The following NAALADL2 variants were observed in gnomAD, a reference collection of about 807,000 sequenced individuals.
The protein encoded by NAALADL2 is inactive N-acetylated-alpha-linked acidic dipeptidase-like protein 2.
Under a neutral mutation model 87.2 loss-of-function variants are expected in NAALADL2, and 76 were observed. That is an observed-to-expected ratio of 0.87 (90% CI 0.72 to 1.05). The LOEUF (loss-of-function observed/expected upper bound fraction) is 1.05, where lower values mean the gene tolerates loss of function less well. Among genes scored for constraint, NAALADL2 ranks in the 50% least tolerant of loss-of-function variants. NAALADL2 has a pLI of 0.00. For missense variants in NAALADL2, 1,089 were observed against 945.8 expected, an observed-to-expected ratio of 1.15 and a Z score of -1.99; for synonymous variants, 354 against 331.0, an observed-to-expected ratio of 1.07 and a Z score of -0.75.
intron 4 of NAALADL2, among the ~76,000 whole-genome samples, chr3:175,306,492 A>G (rs971928002): frequency 6.6e-6 from 1 of 152,044 alleles, no homozygotes. Context: ...GACACCTCCA[A>G]TGATCTGAGT....
intron 2 of NAALADL2, among the ~76,000 whole-genome samples, chr3:174,580,554 C>G (rs1009145416): frequency 1.3e-5 from 2 of 152,084 alleles, no homozygotes; most frequent in Non-Finnish European, 2.9e-5. Context: ...TCTCCCATCA[C>G]TTCCTGTGCC....
chr3:175,257,952 A>T (rs1750297870), intron 4 of NAALADL2, among the ~76,000 whole-genome samples: 1 of 152,150 alleles, frequency 6.6e-6, no homozygotes, highest in South Asian at 2.1e-4. Flanking sequence ...TTATCTTCAG[A>T]TTATAAATGG....
At chr3:175,533,107 G>A (rs1734325254) in intron 9 of NAALADL2, among the ~76,000 whole-genome samples, 1 of 152,060 alleles carries the variant, frequency 6.6e-6, no homozygotes, top group South Asian at 2.1e-4. Context: ...TTATCTCCCT[G>A]AGCTGCAACA....
At chr3:175,139,819 T>G (rs1406890591) in intron 2 of NAALADL2, among the ~76,000 whole-genome samples, 3 of 152,196 alleles carry the variant, frequency 2.0e-5, no homozygotes, top group Non-Finnish European at 4.4e-5. Flanking sequence ...AGTTTCATGC[T>G]CTTTGTAGCT....
chr3:174,851,379 A>G (rs1183252778), intron 3 of NAALADL2, among the ~76,000 whole-genome samples: 2 of 151,658 alleles, frequency 1.3e-5, no homozygotes, highest in African/African-American at 2.4e-5. Flanking sequence ...AAAAAAAAAA[A>G]AAATCAGAGA....
intron 2 of NAALADL2, among the ~76,000 whole-genome samples, chr3:174,606,017 T>G (rs1214880415): frequency 1.3e-5 from 2 of 152,108 alleles, no homozygotes; most frequent in African/African-American, 2.4e-5. Flanking sequence ...TTCATGAAAA[T>G]CTGCTGTTCT....
At chr3:175,299,313 T>G (rs1295303085) in intron 4 of NAALADL2, among the ~76,000 whole-genome samples, 1 of 152,174 alleles carries the variant, frequency 6.6e-6, no homozygotes, top group Non-Finnish European at 1.5e-5. Context: ...TTTTGTTTTT[T>G]TTAATTCTGT....
chr3:174,902,446 G>T (rs776421484), intron 1 of NAALADL2, among the ~76,000 whole-genome samples: 10 of 152,000 alleles, frequency 6.6e-5, no homozygotes, highest in Non-Finnish European at 1.3e-4. Context: ...AGAAAGGGGG[G>T]TGGGGTTTAA....
chr3:175,740,785 G>C (rs1745130323), intron 12 of NAALADL2, among the ~76,000 whole-genome samples: 1 of 152,128 alleles, frequency 6.6e-6, no homozygotes, highest in South Asian at 2.1e-4. Context: ...TCTCTCTATG[G>C]AGTGGCTGTT....
At chr3:175,095,388 T>C (rs1720975248) in intron 1 of NAALADL2, among the ~76,000 whole-genome samples, 1 of 152,088 alleles carries the variant, frequency 6.6e-6, no homozygotes, top group Admixed American at 6.6e-5. Context: ...TAAGGTCCTA[T>C]TTATTTCTGT....
chr3:175,373,266 T>C (rs1274582886), intron 5 of NAALADL2, among the ~76,000 whole-genome samples: 2 of 152,178 alleles, frequency 1.3e-5, no homozygotes, highest in Non-Finnish European at 2.9e-5. Flanking sequence ...ACAAACAAGA[T>C]ACAAGGAACG....
intron 2 of NAALADL2, among the ~76,000 whole-genome samples, chr3:174,620,914 T>TA (rs1720933696): frequency 6.6e-6 from 1 of 152,108 alleles, no homozygotes; most frequent in Non-Finnish European, 1.5e-5. Flanking sequence ...GTTTAAATAA[T>TA]AAAAACATAA....
Position 174,814,495 on chromosome 3 carries a change from C to T in NAALADL2, c.-9+76749C>T, listed in dbSNP as rs544978510. ...ATATGAAATAATATAATTTTGTGCA[C>T]TTTAGGCCATGGAATAATTAATAAT... On this transcript the variant is annotated intron_variant, in intron 3 of 3. Transcript: ENST00000434257. Among the ~76,000 whole-genome samples the T allele has an allele frequency of 1.9e-4, 29 of 152,112 alleles. 1 individual carries two copies. The highest frequency in any genetic ancestry group is 4.0e-4 in the Non-Finnish European group (27 of 67,998).
At chr3:175,623,158 T>G (rs1175575869) in intron 10 of NAALADL2, among the ~76,000 whole-genome samples, 2 of 151,608 alleles carry the variant, frequency 1.3e-5, no homozygotes, top group African/African-American at 2.4e-5. Flanking sequence ...CATAAAAAAA[T>G]GCATAAATCT....
In NAALADL2 at chr3:175,573,982, T is replaced by A. The variant is rs1389839612; in HGVS notation, c.1654-2059T>A. Among the ~76,000 whole-genome samples the A allele has an allele frequency of 2.6e-5, 4 of 152,250 alleles. No individual in the cohort carries two copies. In the East Asian group the frequency reaches 7.7e-4, roughly 29 times the overall value. On this transcript the variant is annotated intron_variant, in intron 9 of 13. Coordinates refer to ENST00000454872, the MANE Select transcript of NAALADL2 (RefSeq NM_207015.3). Reference sequence around the variant, plus strand: ...TCTGTAAACTGAAACCCTGACTTGCTTGTAAAGGTTCATACTGGCTTTCCA... The same window carrying A: ...TCTGTAAACTGAAACCCTGACTTGCATGTAAAGGTTCATACTGGCTTTCCA...
chr3:175,281,322 A>C (rs1217589982), intron 4 of NAALADL2, among the ~76,000 whole-genome samples: 1 of 151,844 alleles, frequency 6.6e-6, no homozygotes, highest in African/African-American at 2.4e-5. Flanking sequence ...TTGCCAGTTA[A>C]GGTTTAATTG....
chr3:175,360,037 G>A (rs1003112514), intron 5 of NAALADL2, among the ~76,000 whole-genome samples: 4 of 152,102 alleles, frequency 2.6e-5, no homozygotes, highest in Admixed American at 2.0e-4. Flanking sequence ...CTTAAGAAAG[G>A]AGATTATTGA....
At chr3:175,202,935 A>C (rs939220605) in intron 2 of NAALADL2, among the ~76,000 whole-genome samples, 1 of 152,092 alleles carries the variant, frequency 6.6e-6, no homozygotes, top group African/African-American at 2.4e-5. Flanking sequence ...CAGCTCCCAC[A>C]TAAACCAAAG....
intron 11 of NAALADL2, chr3:175,675,428 G>A (rs1734635632): frequency 6.6e-6 from 1 of 152,162 alleles, no homozygotes; most frequent in South Asian, 2.1e-4. Flanking sequence ...CTGAACCTCT[G>A]TCCTTGACCA....
Sources: allele counts gnomAD v4.1 joint callset (sites outside exome capture counted in the v4.1 genomes callset), GRCh38; gene constraint gnomAD v4.1.1; transcripts MANE v1.5; gene names NCBI Gene and HGNC (gene_info 2026-07-23, HGNC 2026-07-21).